The following DYNLRB1 variants were observed in gnomAD, a reference collection of about 807,000 sequenced individuals.
DYNLRB1 encodes the protein ROBL/LC7-like 1.
DYNLRB1 carries 6 observed loss-of-function variants against 13.5 expected under a neutral mutation model. The observed-to-expected ratio is 0.44, with a 90% CI of 0.24 to 0.88. The LOEUF (loss-of-function observed/expected upper bound fraction) is 0.88. Ranked by LOEUF, DYNLRB1 falls within the 40% of genes least tolerant of loss-of-function variation. The pLI is 0.21. For missense variants in DYNLRB1, 93 were observed against 127.2 expected (o/e 0.73, Z 1.29); for synonymous variants, 43 against 45.0 (o/e 0.96, Z 0.18).
At chr20:34,537,311 C>T (rs1981225285) in intron 3 of DYNLRB1, among the ~76,000 whole-genome samples, 4 of 152,248 alleles carry the variant, frequency 2.6e-5, no homozygotes. Flanking sequence ...ACTGCTGCCA[C>T]TCAAGTCCTT....
chr20:34,530,361 C>T (rs1794433302), intron 2 of DYNLRB1: 1 of 860,198 alleles, frequency 1.2e-6, no homozygotes, highest in South Asian at 5.4e-5. Flanking sequence ...TGGTTTTGGG[C>T]ATAAGCCACT....
intron 2 of DYNLRB1, among the ~76,000 whole-genome samples, chr20:34,529,382 A>G (rs1337780585): frequency 6.6e-6 from 1 of 152,206 alleles, no homozygotes; most frequent in Non-Finnish European, 1.5e-5. Context: ...CTACTTAAGC[A>G]GAATGAAAGC....
At chr20:34,535,859 G>A in intron 3 of DYNLRB1, 1 of 985,266 alleles carries the variant, frequency 1.0e-6, no homozygotes, top group African/African-American at 1.7e-5. Context: ...ATTAGGACCT[G>A]GATAAAGGAA....
In DYNLRB1 at chr20:34,536,141, A is replaced by G. The variant is rs144637145; in HGVS notation, c.247+1346A>G. 2.7e-4 allele frequency: 271 copies of G among 985,462 alleles called. No individual in the cohort carries two copies. In the African/African-American group the frequency reaches 3.4e-3, roughly 12 times the overall value. The allele number at this position is 985,462 out of a possible 1,614,324, so 61.0% of individuals were successfully genotyped here. A position where few individuals can be genotyped will look rare whatever the true frequency, so the allele number is the denominator to read the frequency against. On this transcript the variant is annotated intron_variant, in intron 3 of 3. Coordinates refer to ENST00000357156, the MANE Select transcript of DYNLRB1 (RefSeq NM_014183.4). ...GAACATAAGAATAACTCCAGAGTCT[A>G]TTATTCCAAAATCACGCTTCTGTGT... is the stretch of plus-strand genomic sequence containing the variant.
intron 2 of DYNLRB1, chr20:34,533,564 T>C: frequency 1.0e-6 from 1 of 974,232 alleles, no homozygotes; most frequent in Non-Finnish European, 1.2e-6. Context: ...CTCACGCCTG[T>C]AATCCCAGCA....
At chr20:34,516,985 A>G in intron 1 of DYNLRB1, 1 of 1,276,004 alleles carries the variant, frequency 7.8e-7, no homozygotes, top group Non-Finnish European at 9.9e-7. Context: ...GAACCCTAGA[A>G]GCTTGACGGC....
intron 3 of DYNLRB1, among the ~76,000 whole-genome samples, chr20:34,538,792 CAA>C (rs1981369731): frequency 3.3e-5 from 5 of 152,210 alleles, no homozygotes; most frequent in African/African-American, 1.2e-4. Flanking sequence ...TGAACAGCCA[CAA>C]AGTGACTTGG....
chr20:34,516,972 T>C, intron 1 of DYNLRB1: 2 of 1,315,730 alleles, frequency 1.5e-6, no homozygotes, highest in South Asian at 4.6e-5. Context: ...TGGAGATGGA[T>C]TTGAACCCTA....
intron 3 of DYNLRB1, among the ~76,000 whole-genome samples, chr20:34,537,072 T>C (rs968860463): frequency 2.6e-5 from 4 of 152,128 alleles, no homozygotes; most frequent in African/African-American, 4.8e-5. Context: ...GAGTCCAGAA[T>C]GGGCAGCTCC....
intron 1 of DYNLRB1, among the ~76,000 whole-genome samples, chr20:34,523,275 G>A (rs1314217471): frequency 6.6e-6 from 1 of 152,068 alleles, no homozygotes; most frequent in African/African-American, 2.4e-5. Context: ...GGCTGTGTTC[G>A]CCCCCTGCTG....
chr20:34,516,492 G>T (rs1195722783), intron 1 of DYNLRB1, 31 bp downstream of exon 1: 11 of 1,611,266 alleles, frequency 6.8e-6, no homozygotes, highest in Non-Finnish European at 9.3e-6. Context: ...TGTGGCTGGC[G>T]GCCGCCCACC....
chr20:34,530,511 T>A (rs1444066766), intron 2 of DYNLRB1: 1 of 156,784 alleles, frequency 6.4e-6, no homozygotes, highest in Non-Finnish European at 1.4e-5. Flanking sequence ...TTGCGTCCCA[T>A]TCTCAGGGCC....
At chr20:34,516,562 A>C in intron 1 of DYNLRB1, 101 bp downstream of exon 1, 1 of 1,568,966 alleles carries the variant, frequency 6.4e-7, no homozygotes, top group Non-Finnish European at 8.7e-7. Context: ...CCGGACAGGG[A>C]ATCGGTGGTG....
At chr20:34,537,797 C>T (rs1162349829) in intron 3 of DYNLRB1, among the ~76,000 whole-genome samples, 2 of 152,124 alleles carry the variant, frequency 1.3e-5, no homozygotes, top group African/African-American at 4.8e-5. Flanking sequence ...CCCTACACAT[C>T]GTGGGCAGCC....
intron 2 of DYNLRB1, chr20:34,529,904 G>T (rs1449659888): frequency 1.5e-5 from 22 of 1,513,346 alleles, no homozygotes; most frequent in Non-Finnish European, 1.9e-5. Context: ...CCCCTGCTCA[G>T]GGCTGCCCCT....
At chr20:34,534,951 C>G (rs1277187233) in intron 3 of DYNLRB1, 156 bp downstream of exon 3, 1 of 1,494,974 alleles carries the variant, frequency 6.7e-7, no homozygotes, top group Admixed American at 2.2e-5. Context: ...TAGCCAGCCT[C>G]CAGCTGGTGT....
chr20:34,538,620 G>T (rs1401124876), intron 3 of DYNLRB1, among the ~76,000 whole-genome samples: 1 of 152,142 alleles, frequency 6.6e-6, no homozygotes, highest in Non-Finnish European at 1.5e-5. Context: ...GTTACCGATT[G>T]TGCCTATTTT....
chr20:34,529,305 T>TA (rs1568601336), intron 2 of DYNLRB1, among the ~76,000 whole-genome samples: 1 of 152,250 alleles, frequency 6.6e-6, no homozygotes, highest in Non-Finnish European at 1.5e-5. Flanking sequence ...TCAGTGCTCT[T>TA]AGAGAGCCTC....
chr20:34,530,882 C>T (rs1217861666), intron 2 of DYNLRB1: 2 of 152,306 alleles, frequency 1.3e-5, no homozygotes, highest in African/African-American at 4.8e-5. Context: ...TGCTCCTGCT[C>T]CTGCCCCTGA....
Sources: allele counts gnomAD v4.1 joint callset (sites outside exome capture counted in the v4.1 genomes callset), GRCh38; gene constraint gnomAD v4.1.1; transcripts MANE v1.5; gene names NCBI Gene and HGNC (gene_info 2026-07-23, HGNC 2026-07-21).